FBXW11: variants seen among roughly 807,000 people sequenced by gnomAD.
The protein encoded by FBXW11 is F-box and WD repeat domain containing 11, also known as F-box/WD repeat-containing protein 11.
A neutral mutation model predicts 77.6 loss-of-function variants in FBXW11; 19 were observed. That is an observed-to-expected ratio of 0.24 (90% confidence interval 0.17 to 0.36). The LOEUF is 0.36. Ranked by LOEUF, FBXW11 falls within the 10% of genes least tolerant of loss-of-function variation. The pLI is 1.00. For missense variants in FBXW11, 334 were observed against 704.2 expected, an observed-to-expected ratio of 0.47 and a Z score of 5.95; for synonymous variants, 235 against 249.4, an observed-to-expected ratio of 0.94 and a Z score of 0.54.
intron 2 of FBXW11, among the ~76,000 whole-genome samples, chr5:171,930,762 T>TAAAAAAAAA (rs59700625): frequency 7.2e-4 from 91 of 126,088 alleles, no homozygotes; most frequent in Middle Eastern, 8.1e-3. Flanking sequence ...AATAAAAAAA[T>TAAAAAAAAA]AAAAAAAAAA....
chr5:171,902,084 C>T (rs1047722090), intron 4 of FBXW11, among the ~76,000 whole-genome samples: 5 of 152,168 alleles, frequency 3.3e-5, no homozygotes, highest in Non-Finnish European at 7.3e-5. Context: ...CTGCGACATC[C>T]GGTCTGTAGT....
chr5:171,965,825 C>T (rs558656639), intron 1 of FBXW11, among the ~76,000 whole-genome samples: 26 of 152,156 alleles, frequency 1.7e-4, no homozygotes, highest in Middle Eastern at 3.4e-3. Context: ...TGTGTCCCCA[C>T]CCAAATCATA....
At chr5:171,980,877 T>C (rs1036275223) in intron 1 of FBXW11, among the ~76,000 whole-genome samples, 1 of 152,196 alleles carries the variant, frequency 6.6e-6, no homozygotes, top group Admixed American at 6.5e-5. Context: ...TGGAATTGCC[T>C]GAGTGATAGT....
At chr5:171,986,902 G>A (rs1765474711) in intron 1 of FBXW11, among the ~76,000 whole-genome samples, 1 of 152,184 alleles carries the variant, frequency 6.6e-6, no homozygotes, top group African/African-American at 2.4e-5. Context: ...AGCAGGAGAT[G>A]AGCAGGAGGC....
At chr5:171,899,614 T>C (rs1336705561) in intron 5 of FBXW11, among the ~76,000 whole-genome samples, 1 of 152,214 alleles carries the variant, frequency 6.6e-6, no homozygotes, top group South Asian at 2.1e-4. Context: ...ATTTTTGTCA[T>C]ATCTATATTT....
chr5:171,885,002 G>A (rs1480807829), intron 7 of FBXW11, among the ~76,000 whole-genome samples: 1 of 152,148 alleles, frequency 6.6e-6, no homozygotes, highest in African/African-American at 2.4e-5. Flanking sequence ...GTCTTTTAGT[G>A]AGCCTATACC....
chr5:171,909,157 T>C (rs538828410), intron 4 of FBXW11, among the ~76,000 whole-genome samples: 1 of 152,098 alleles, frequency 6.6e-6, no homozygotes, highest in African/African-American at 2.4e-5. Context: ...TTAATCATAT[T>C]CAAAGGGGAG....
rs1397404335 is a variant in FBXW11 at position 171,863,191 on chromosome 5, T to G, written c.*936A>C. The G allele has an allele frequency of 6.6e-6, 1 of 152,554 alleles. No homozygotes were observed. The highest frequency in any genetic ancestry group is 2.4e-5 in the African/African-American group (1 of 41,420). The allele number at this position is 152,554 out of a possible 1,614,324, so 9.5% of individuals were successfully genotyped here. On this transcript the variant is annotated 3_prime_UTR_variant, in exon 14 of 14. Transcript: ENST00000517395. ...AATGACAACAACAAAATAAAAACAC[T>G]GTATGAATACTGCAGGAAGGGTTCT...
intron 1 of FBXW11, among the ~76,000 whole-genome samples, chr5:171,973,207 G>A (rs1047506399): frequency 9.9e-5 from 15 of 152,070 alleles, no homozygotes; most frequent in African/African-American, 3.6e-4. Flanking sequence ...ATACAAAGAG[G>A]AACAAAATAT....
intron 1 of FBXW11, among the ~76,000 whole-genome samples, chr5:171,973,480 T>C (rs1561738408): frequency 6.6e-6 from 1 of 152,148 alleles, no homozygotes; most frequent in Non-Finnish European, 1.5e-5. Context: ...TCCTACAATG[T>C]ACCTGAGTGG....
At position 171,959,856 on chromosome 5, in the gene FBXW11, AAAAAAG is replaced by A. The variant is rs1163258033; in HGVS notation, c.46-2164_46-2159del. On this transcript the variant is annotated intron_variant, in intron 1 of 13. Coordinates refer to ENST00000517395, the MANE Select transcript of FBXW11 (RefSeq NM_001378974.1). ...CTGAGCGAGACTGCCTCAAAAAAAAAAAAAAGAAAAGAAAAGAAAAGAAAAAAAACC... is the reference window on the plus strand; with the variant it reads ...CTGAGCGAGACTGCCTCAAAAAAAAAAAAAGAAAAGAAAAGAAAAAAAACC... 7.3e-4 allele frequency among the ~76,000 whole-genome samples: 94 copies of A among 128,242 alleles called. 1 individual carries two copies. Among genetic ancestry groups the A allele is most frequent in the African/African-American group, 1.8e-3 (67 of 36,928 alleles). 84.1% of individuals were successfully genotyped at this position (128,242 alleles called of 152,430 possible). A position where few individuals can be genotyped will look rare whatever the true frequency, so the allele number is the denominator to read the frequency against.
intron 4 of FBXW11, among the ~76,000 whole-genome samples, 180 bp downstream of exon 4, chr5:171,910,389 ACTG>A (rs1368447969): frequency 1.3e-5 from 2 of 152,140 alleles, no homozygotes; most frequent in African/African-American, 4.8e-5. Flanking sequence ...TATTAAAGAT[ACTG>A]CCTATATTTC....
At chr5:171,879,710 T>A (rs902737728) in intron 7 of FBXW11, among the ~76,000 whole-genome samples, 2 of 152,258 alleles carry the variant, frequency 1.3e-5, no homozygotes, top group African/African-American at 4.8e-5. Flanking sequence ...ATGTGTAACA[T>A]CTTTTCACAT....
intron 7 of FBXW11, among the ~76,000 whole-genome samples, chr5:171,887,455 A>C (rs569895096): frequency 6.6e-6 from 1 of 152,106 alleles, no homozygotes; most frequent in South Asian, 2.1e-4. Flanking sequence ...ACAATAACAG[A>C]AAACAGGGCC....
intron 2 of FBXW11, among the ~76,000 whole-genome samples, chr5:171,930,477 A>G (rs1232833241): frequency 6.6e-6 from 1 of 152,220 alleles, no homozygotes; most frequent in Non-Finnish European, 1.5e-5. Flanking sequence ...AGAAGAAAGA[A>G]AACTGTTTTG....
rs1281081433 is a variant in FBXW11 at position 171,864,963 on chromosome 5, C to CAA, written c.*26-864_*26-863dup. ...GAAAGTCTAAAGTCACCTTAGGTGG[C>CAA]AAAAAAAAAAAAAAAAGCAAGAGAG... On this transcript the variant is annotated intron_variant, in intron 13 of 13. Transcript: ENST00000517395. Among the ~76,000 whole-genome samples, 222 of 66,308 alleles carry CAA rather than the reference C, an allele frequency of 3.3e-3. 1 individual carries two copies. Among genetic ancestry groups the CAA allele is most frequent in the Non-Finnish European group, 5.5e-3 (163 of 29,870 alleles). 43.5% of individuals were successfully genotyped at this position (66,308 alleles called of 152,430 possible).
intron 2 of FBXW11, among the ~76,000 whole-genome samples, chr5:171,927,427 G>A (rs1561691531): frequency 6.6e-6 from 1 of 152,094 alleles, no homozygotes; most frequent in Non-Finnish European, 1.5e-5. Flanking sequence ...AACCAAGGAA[G>A]AATCACAATC....
At chr5:171,889,867 C>T (rs1025243388) in intron 7 of FBXW11, among the ~76,000 whole-genome samples, 2 of 151,954 alleles carry the variant, frequency 1.3e-5, no homozygotes, top group Non-Finnish European at 2.9e-5. Flanking sequence ...TAATCTAGCC[C>T]AGGCAAGGGT....
rs371289706 is a variant in FBXW11, at chr5:171,979,332, AATAC to A, written c.46-21638_46-21635del. Among the ~76,000 whole-genome samples, 13 of 152,048 alleles carry A rather than the reference AATAC, an allele frequency of 8.5e-5. No individual in the cohort carries two copies. The South Asian group carries it at 1.7e-3, about 19-fold the overall frequency. On this transcript the variant is annotated intron_variant, in intron 1 of 13. Transcript: ENST00000517395. Reference sequence around the variant, plus strand: ...TCAAAAAATAAATATATACATACATAATACATACATACATACATACATATGTACA... The same window carrying A: ...TCAAAAAATAAATATATACATACATAATACATACATACATACATATGTACA...
Sources: gnomAD v4.1 joint callset for allele counts (sites outside exome capture counted in the v4.1 genomes callset) on GRCh38, gnomAD v4.1.1 for gene constraint, MANE v1.5 for transcripts, NCBI Gene and HGNC (gene_info 2026-07-23, HGNC 2026-07-21) for gene names.